The following THSD7A variants were observed in gnomAD, a reference collection of about 807,000 sequenced individuals.
THSD7A encodes thrombospondin type-1 domain-containing protein 7A.
Under a neutral mutation model 231.3 loss-of-function variants are expected in THSD7A, and 96 were observed. The observed-to-expected ratio is 0.41, with a 90% CI of 0.35 to 0.49. The LOEUF is 0.49. THSD7A is among the 20% of genes least tolerant of loss of function. The pLI, the probability that THSD7A is intolerant of heterozygous loss-of-function variation, is 0.05. For missense variants in THSD7A, 2,290 were observed against 2,070.2 expected (o/e 1.11, Z -2.06); for synonymous variants, 940 against 743.3 (o/e 1.26, Z -4.30).
chr7:11,771,035 T>C (rs1783209986), intron 1 of THSD7A, among the ~76,000 whole-genome samples: 1 of 151,244 alleles, frequency 6.6e-6, no homozygotes, highest in South Asian at 2.1e-4. Context: ...AAGTATCTCA[T>C]ACATTCTTTC....
chr7:11,479,863 G>A (rs1786348991), intron 7 of THSD7A, among the ~76,000 whole-genome samples: 1 of 52,870 alleles, frequency 1.9e-5, no homozygotes, highest in Non-Finnish European at 4.0e-5. Context: ...TTTCTTTTAT[G>A]GCTTCCATGT....
chr7:11,537,098 CA>C (rs1442708485), intron 6 of THSD7A, among the ~76,000 whole-genome samples: 1 of 152,116 alleles, frequency 6.6e-6, no homozygotes, highest in Non-Finnish European at 1.5e-5. Context: ...GATATGCCCC[CA>C]TATTCCTCCT....
At chr7:11,493,494 T>TAA (rs1786981480) in intron 6 of THSD7A, among the ~76,000 whole-genome samples, 1 of 152,076 alleles carries the variant, frequency 6.6e-6, no homozygotes. Context: ...TTATTCATTT[T>TAA]TAAAGGTCCC....
At chr7:11,711,217 G>C (rs77605944) in intron 1 of THSD7A, among the ~76,000 whole-genome samples, 15,134 of 150,926 alleles carry the variant, frequency 0.1, 940 homozygotes, top group South Asian at 0.15. Flanking sequence ...TTTTGTGCCA[G>C]AGTCATTTCA....
At position 11,447,298 on chromosome 7, in the gene THSD7A, C is replaced by G. The variant is rs1217691873; in HGVS notation, c.2732G>C (p.Ser911Thr). The change falls in exon 12 of 28, where the codon AGC becomes ACC. Residue 911 changes from serine (S) to threonine (T), a missense_variant. Physicochemically the swap from Ser to Thr is moderately conservative, Grantham distance 58. Coordinates refer to ENST00000423059, the MANE Select transcript of THSD7A (RefSeq NM_015204.3). ...ATTGCATGAAGAAAACTTGGACCAG[C>G]TGGTCAATTGACAGTCATCCTGGCA... ...IPCQDDCQLT[S>T]WSKFSSCNGD... The G allele has an allele frequency of 1.9e-6, 3 of 1,613,114 alleles. No individual in the cohort carries two copies. Among genetic ancestry groups the G allele is most frequent in the Non-Finnish European group, 2.5e-6 (3 of 1,179,462 alleles).
At chr7:11,641,167 A>C (rs1193565094) in intron 1 of THSD7A, among the ~76,000 whole-genome samples, 4 of 152,206 alleles carry the variant, frequency 2.6e-5, no homozygotes, top group Admixed American at 2.6e-4. Context: ...GGAACATCAC[A>C]TACGTGTGTG....
intron 4 of THSD7A, among the ~76,000 whole-genome samples, chr7:11,558,684 CAGAG>C (rs1268219254): frequency 6.6e-6 from 1 of 152,068 alleles, no homozygotes; most frequent in African/African-American, 2.4e-5. Flanking sequence ...TCTAAAATTT[CAGAG>C]AGAATAGTGG....
At chr7:11,710,764 T>C (rs1562494448) in intron 1 of THSD7A, among the ~76,000 whole-genome samples, 2 of 150,924 alleles carry the variant, frequency 1.3e-5, no homozygotes, top group African/African-American at 4.8e-5. Flanking sequence ...TACATGCCCC[T>C]ATTTACAGAC....
intron 6 of THSD7A, among the ~76,000 whole-genome samples, chr7:11,537,839 C>CT (rs1424548760): frequency 6.6e-6 from 1 of 152,152 alleles, no homozygotes; most frequent in East Asian, 1.9e-4. Context: ...GAAAAACTTG[C>CT]TTTTAGGGCT....
chr7:11,831,656 C>T lies in THSD7A; in HGVS notation c.190+101G>A, dbSNP rs1785195579. 4 of 835,908 alleles carry T rather than the reference C, an allele frequency of 4.8e-6. No homozygotes were observed. The highest frequency in any genetic ancestry group is 6.4e-6 in the Non-Finnish European group (4 of 622,724). The allele number at this position is 835,908 out of a possible 1,614,324, so 51.8% of individuals were successfully genotyped here. A position where few individuals can be genotyped will look rare whatever the true frequency, so the allele number is the denominator to read the frequency against. The stretch of plus-strand genomic sequence containing the variant: ...TTTTTACCTTAGGATACCAGCATAA[C>T]CAAGCCATCCAAAAGCACCGGGGTC... On this transcript the variant is annotated intron_variant, in intron 1 of 27. Coordinates refer to ENST00000423059, the MANE Select transcript of THSD7A (RefSeq NM_015204.3). This position sits in a 1 kb window ranked among gnomAD's most constrained non-coding sequence, Gnocchi z 5.0.
intron 13 of THSD7A, among the ~76,000 whole-genome samples, chr7:11,435,863 A>C (rs1305913008): frequency 6.6e-6 from 1 of 152,034 alleles, no homozygotes. Flanking sequence ...CCAAATTTGC[A>C]GCTGATATCT....
chr7:11,435,755 T>A (rs1040838911), intron 13 of THSD7A, among the ~76,000 whole-genome samples: 5 of 152,044 alleles, frequency 3.3e-5, no homozygotes, highest in Admixed American at 1.3e-4. Context: ...TTTTCCAAGT[T>A]CTGTCAGCTG....
chr7:11,546,202 G>GCGCACACACACACACA (rs761841418), intron 4 of THSD7A, among the ~76,000 whole-genome samples: 2 of 129,446 alleles, frequency 1.5e-5, no homozygotes, highest in African/African-American at 2.8e-5. Flanking sequence ...GTGGGCGCGC[G>GCGCACACACACACACA]CTCACACACA....
chr7:11,827,285 T>C (rs1296925479), intron 1 of THSD7A, among the ~76,000 whole-genome samples: 1 of 152,208 alleles, frequency 6.6e-6, no homozygotes, highest in Non-Finnish European at 1.5e-5. Flanking sequence ...TTCAACTTTA[T>C]TGATACTGTA....
intron 1 of THSD7A, among the ~76,000 whole-genome samples, chr7:11,773,753 G>C (rs1030261592): frequency 6.6e-6 from 1 of 152,012 alleles, no homozygotes; most frequent in Non-Finnish European, 1.5e-5. Context: ...TTAGGAGAGT[G>C]ATTAGTCAAA....
At position 11,634,719 on chromosome 7, in the gene THSD7A, T is replaced by C. The variant is rs1781771989; in HGVS notation, c.1022+1411A>G. On this transcript the variant is annotated intron_variant, in intron 2 of 27. Transcript: ENST00000423059. This position sits in a 1 kb window ranked among gnomAD's most constrained non-coding sequence, Gnocchi z 4.1. ...AGAACTAGAATGGAAAAAGGGCAAATTACCGTACAGCTGAAATAAAATGCA... is the reference window on the plus strand; with the variant it reads ...AGAACTAGAATGGAAAAAGGGCAAACTACCGTACAGCTGAAATAAAATGCA... Among the ~76,000 whole-genome samples, 2 of 151,774 alleles carry C rather than the reference T, an allele frequency of 1.3e-5. No homozygotes were observed. Among genetic ancestry groups the C allele is most frequent in the East Asian group, 3.9e-4 (2 of 5,160 alleles).
intron 6 of THSD7A, among the ~76,000 whole-genome samples, chr7:11,504,958 G>A (rs1333069949): frequency 6.6e-6 from 1 of 152,022 alleles, no homozygotes; most frequent in Non-Finnish European, 1.5e-5. Context: ...AATAATAACT[G>A]CTAAGGTATG....
At chr7:11,731,685 G>A (rs1207407104) in intron 1 of THSD7A, among the ~76,000 whole-genome samples, 1 of 151,530 alleles carries the variant, frequency 6.6e-6, no homozygotes, top group Non-Finnish European at 1.5e-5. Flanking sequence ...AGCAATCAAT[G>A]CACCTATAAA....
intron 1 of THSD7A, among the ~76,000 whole-genome samples, chr7:11,676,784 T>G (rs150996310): frequency 6.6e-6 from 1 of 152,222 alleles, no homozygotes; most frequent in East Asian, 1.9e-4. Context: ...AGACCAAACC[T>G]AAGTTTGATT....
Sources: gnomAD v4.1 joint callset for allele counts (sites outside exome capture counted in the v4.1 genomes callset) on GRCh38, gnomAD v4.1.1 for gene constraint, Gnocchi (gnomAD v3.1) non-coding constraint, MANE v1.5 for transcripts, NCBI Gene and HGNC (gene_info 2026-07-23, HGNC 2026-07-21) for gene names.